COMMD1: variants seen among roughly 807,000 people sequenced by gnomAD.
The protein encoded by COMMD1 is copper metabolism domain containing 1.
Under a neutral mutation model 17.2 loss-of-function variants are expected in COMMD1, and 10 were observed. The observed-to-expected ratio is 0.58, with a 90% CI of 0.36 to 0.99. The LOEUF is 0.99. Ranked by LOEUF, COMMD1 falls within the 50% of genes least tolerant of loss-of-function variation. The probability of loss-of-function intolerance (pLI) is 0.01; values close to 1 mark genes in which losing one functional copy is unlikely to be tolerated. For missense variants in COMMD1, 270 were observed against 231.8 expected (o/e 1.17, Z -1.07); for synonymous variants, 97 against 91.6 (o/e 1.06, Z -0.34).
chr2:61,913,954 G>A (rs1669982403), intron 1 of COMMD1, among the ~76,000 whole-genome samples: 2 of 152,090 alleles, frequency 1.3e-5, no homozygotes, highest in Admixed American at 1.3e-4. Flanking sequence ...GGCGGATCAT[G>A]AGGTCAGGAG....
At chr2:61,918,797 C>T (rs928252733) in intron 1 of COMMD1, among the ~76,000 whole-genome samples, 1 of 152,020 alleles carries the variant, frequency 6.6e-6, no homozygotes, top group African/African-American at 2.4e-5. Context: ...GATCCTTAAA[C>T]TGCAGAAATA....
At chr2:62,023,009 C>T (rs1004391145) in intron 2 of COMMD1, among the ~76,000 whole-genome samples, 4 of 152,136 alleles carry the variant, frequency 2.6e-5, no homozygotes, top group African/African-American at 9.7e-5. Context: ...GGCAGATCAC[C>T]TGAGGTCAGG....
intron 2 of COMMD1, among the ~76,000 whole-genome samples, chr2:62,068,815 ATT>A (rs967370228): frequency 2.0e-5 from 3 of 149,884 alleles, no homozygotes; most frequent in Non-Finnish European, 4.4e-5. Context: ...TTTATTTTTT[ATT>A]TTTTTTAGTA....
At chr2:62,017,960 C>T (rs1015532948) in intron 2 of COMMD1, among the ~76,000 whole-genome samples, 2 of 150,932 alleles carry the variant, frequency 1.3e-5, no homozygotes, top group Non-Finnish European at 3.0e-5. Flanking sequence ...AGGAGGATCA[C>T]TGGAGCCTGG....
intron 2 of COMMD1, among the ~76,000 whole-genome samples, chr2:62,077,950 G>C (rs1011041503): frequency 1.4e-4 from 21 of 152,004 alleles, no homozygotes; most frequent in African/African-American, 4.8e-4. Context: ...TAAAGACCTG[G>C]GATCAACAGA....
chr2:61,917,539 T>G (rs889138235), intron 1 of COMMD1, among the ~76,000 whole-genome samples: 20 of 152,184 alleles, frequency 1.3e-4, no homozygotes, highest in Admixed American at 2.6e-4. Flanking sequence ...CATACTTTTT[T>G]TTTTTTGAGA....
intron 1 of COMMD1, among the ~76,000 whole-genome samples, chr2:61,934,173 TG>T (rs1281358178): frequency 6.6e-6 from 1 of 151,990 alleles, no homozygotes; most frequent in Non-Finnish European, 1.5e-5. Context: ...CAGGGGATGG[TG>T]GGGGAATGTG....
intron 1 of COMMD1, among the ~76,000 whole-genome samples, chr2:61,952,888 C>G (rs1332539132): frequency 1.3e-5 from 2 of 152,202 alleles, no homozygotes; most frequent in Non-Finnish European, 2.9e-5. Flanking sequence ...GTATGTTCAA[C>G]TTTTAAAGAA....
chr2:61,995,255 A>G (rs1462995461), intron 1 of COMMD1, among the ~76,000 whole-genome samples: 3 of 152,180 alleles, frequency 2.0e-5, no homozygotes, highest in African/African-American at 7.2e-5. Context: ...GGCCAGATTC[A>G]GCGTTCTAAA....
intron 2 of COMMD1, among the ~76,000 whole-genome samples, chr2:62,008,621 T>G (rs564768329): frequency 6.6e-6 from 1 of 152,268 alleles, no homozygotes; most frequent in South Asian, 2.1e-4. Context: ...GTATTTAAGG[T>G]TGATTTTTAC....
At chr2:61,967,193 C>G (rs1671529250) in intron 1 of COMMD1, among the ~76,000 whole-genome samples, 1 of 152,132 alleles carries the variant, frequency 6.6e-6, no homozygotes, top group South Asian at 2.1e-4. Context: ...TCCAATCTGT[C>G]TACCTTCACA....
chr2:61,935,611 G>A (rs1034362719), intron 1 of COMMD1, among the ~76,000 whole-genome samples: 1 of 151,216 alleles, frequency 6.6e-6, no homozygotes, highest in Non-Finnish European at 1.5e-5. Context: ...CAGCCTGGGC[G>A]ACAGAGCAAG....
chr2:62,124,133 A>G (rs533221775), intron 2 of COMMD1, among the ~76,000 whole-genome samples: 4 of 152,092 alleles, frequency 2.6e-5, no homozygotes, highest in African/African-American at 7.2e-5. Flanking sequence ...CCCTGTCTCT[A>G]TTAAAAATAC....
chr2:62,003,980 T>C (rs937517571), intron 2 of COMMD1, among the ~76,000 whole-genome samples: 1 of 151,898 alleles, frequency 6.6e-6, no homozygotes, highest in Non-Finnish European at 1.5e-5. Context: ...ATACAAAAAT[T>C]AGCCGTGTGT....
intron 2 of COMMD1, among the ~76,000 whole-genome samples, chr2:62,048,233 A>G (rs1670437122): frequency 7.2e-6 from 1 of 139,456 alleles, no homozygotes; most frequent in South Asian, 2.2e-4. Context: ...CCCAGGCTGG[A>G]GTGCAGTGGC....
chr2:62,051,316 C>G (rs957159612), intron 2 of COMMD1, among the ~76,000 whole-genome samples: 1 of 152,066 alleles, frequency 6.6e-6, no homozygotes, highest in Non-Finnish European at 1.5e-5. Context: ...TCTGAGGGTT[C>G]AGTAAACCAT....
chr2:61,933,166 G>A (rs1391214232), intron 1 of COMMD1, among the ~76,000 whole-genome samples: 1 of 151,838 alleles, frequency 6.6e-6, no homozygotes, highest in Admixed American at 6.6e-5. Flanking sequence ...TCTGAAATTA[G>A]CCGCATTTAT....
chr2:61,952,661 G>A (rs1290658687), intron 1 of COMMD1, among the ~76,000 whole-genome samples: 1 of 152,104 alleles, frequency 6.6e-6, no homozygotes, highest in Non-Finnish European at 1.5e-5. Flanking sequence ...TGAGTTCTTG[G>A]AGAGACTGAT....
upstream of COMMD1, among the ~76,000 whole-genome samples, chr2:61,903,170 A>T (rs1416399635): frequency 6.6e-6 from 1 of 152,172 alleles, no homozygotes; most frequent in Non-Finnish European, 1.5e-5. Context: ...CTGGCCAGGT[A>T]CAGTGGCTCA....
Sources: allele counts gnomAD v4.1 joint callset (sites outside exome capture counted in the v4.1 genomes callset), GRCh38; gene constraint gnomAD v4.1.1; transcripts MANE v1.5; gene names NCBI Gene and HGNC (gene_info 2026-07-23, HGNC 2026-07-21).